The following ASCC3 variants were observed in gnomAD, a reference collection of about 807,000 sequenced individuals.
The protein encoded by ASCC3 is ASC-1 complex subunit P200.
A neutral mutation model predicts 256.3 loss-of-function variants in ASCC3; 158 were observed. That is an observed-to-expected ratio of 0.62 (90% CI 0.54 to 0.70). The LOEUF (loss-of-function observed/expected upper bound fraction) is 0.70. Among genes scored for constraint, ASCC3 ranks in the 30% least tolerant of loss-of-function variants. The pLI is 0.00. For synonymous variants in ASCC3, 948 were observed against 883.4 expected (o/e 1.07, Z -1.30); for missense variants, 2,259 against 2,626.0 (o/e 0.86, Z 3.05).
intron 37 of ASCC3, among the ~76,000 whole-genome samples, chr6:100,533,947 A>G (rs1775038295): frequency 6.6e-6 from 1 of 152,234 alleles, no homozygotes; most frequent in Non-Finnish European, 1.5e-5. Flanking sequence ...TAGCAGAGCT[A>G]TTTAACTTCT....
chr6:100,718,362 T>C (rs951996644), intron 11 of ASCC3, 111 bp from the exon 12 acceptor site: 6 of 849,146 alleles, frequency 7.1e-6, no homozygotes, highest in Admixed American at 5.6e-5. Context: ...GAGATGAGTG[T>C]AGAGGTCAAT....
chr6:100,535,955 T>C (rs537637870), intron 37 of ASCC3, among the ~76,000 whole-genome samples: 3 of 152,354 alleles, frequency 2.0e-5, no homozygotes, highest in Non-Finnish European at 1.5e-5. Flanking sequence ...GAATATAGTG[T>C]AGCCATTAGA....
At chr6:100,624,920 G>A (rs1309906760) in intron 30 of ASCC3, among the ~76,000 whole-genome samples, 1 of 151,456 alleles carries the variant, frequency 6.6e-6, no homozygotes, top group East Asian at 1.9e-4. Context: ...CTTCAGTAAG[G>A]GCAGTGAATA....
chr6:100,539,726 A>T (rs1050435537), intron 37 of ASCC3, among the ~76,000 whole-genome samples: 4 of 152,122 alleles, frequency 2.6e-5, no homozygotes, highest in Admixed American at 2.6e-4. Context: ...AAATGGTACA[A>T]AACATTACCC....
rs191572595 is a variant in ASCC3, at chr6:100,687,674, A to G, written c.2152-7922T>C. Among the ~76,000 whole-genome samples the G allele has an allele frequency of 2.4e-3, 372 of 152,258 alleles. 2 individuals carry two copies. Among genetic ancestry groups the G allele is most frequent in the African/African-American group, 8.5e-3 (353 of 41,564 alleles). On this transcript the variant is annotated intron_variant, in intron 13 of 41. Coordinates refer to ENST00000369162, the MANE Select transcript of ASCC3 (RefSeq NM_006828.4). ...ATTTTACTGCTATGGGTTTTATGGT[A>G]AAAAGCCTAAAAAAACACATATTTA...
At chr6:100,603,506 C>T (rs1772731899) in intron 33 of ASCC3, among the ~76,000 whole-genome samples, 1 of 152,066 alleles carries the variant, frequency 6.6e-6, no homozygotes, top group African/African-American at 2.4e-5. Flanking sequence ...GAAGTGACAG[C>T]AAAATCCCTC....
At chr6:100,861,409 T>C (rs1388679262) in intron 3 of ASCC3, among the ~76,000 whole-genome samples, 1 of 152,168 alleles carries the variant, frequency 6.6e-6, no homozygotes, top group East Asian at 1.9e-4. Context: ...TTTTTTTCTT[T>C]ATTCTCTTGC....
At chr6:100,772,801 T>A (rs535850040) in intron 8 of ASCC3, among the ~76,000 whole-genome samples, 2 of 152,324 alleles carry the variant, frequency 1.3e-5, no homozygotes, top group East Asian at 1.9e-4. Flanking sequence ...TTAAGAAACC[T>A]AAGATCTCTA....
chr6:100,569,453 C>T (rs966215768), intron 36 of ASCC3, among the ~76,000 whole-genome samples: 2 of 151,940 alleles, frequency 1.3e-5, no homozygotes, highest in South Asian at 2.1e-4. Context: ...GCAATCTTGG[C>T]TCCACTGCAA....
intron 5 of ASCC3, among the ~76,000 whole-genome samples, chr6:100,804,285 G>A (rs1343333345): frequency 2.6e-5 from 4 of 152,072 alleles, no homozygotes; most frequent in African/African-American, 9.7e-5. Context: ...AATGACTAAT[G>A]AATCTATGTG....
At chr6:100,640,619 A>G (rs1277181411) in intron 24 of ASCC3, among the ~76,000 whole-genome samples, 3 of 152,160 alleles carry the variant, frequency 2.0e-5, no homozygotes, top group Non-Finnish European at 4.4e-5. Context: ...CATTTTTTAT[A>G]TATTTTATTC....
At chr6:100,638,521 C>T in intron 25 of ASCC3, 80 bp downstream of exon 25, 1 of 1,201,072 alleles carries the variant, frequency 8.3e-7, no homozygotes, top group Non-Finnish European at 1.2e-6. Context: ...TAGACCCTGC[C>T]AATATATTTA....
intron 4 of ASCC3, among the ~76,000 whole-genome samples, chr6:100,846,919 A>T (rs1772412370): frequency 1.3e-5 from 2 of 152,120 alleles, no homozygotes; most frequent in African/African-American, 4.8e-5. Flanking sequence ...AATTCTGAGA[A>T]CAAGTTTGCT....
intron 25 of ASCC3, among the ~76,000 whole-genome samples, chr6:100,634,003 A>G (rs1774698786): frequency 6.6e-6 from 1 of 152,182 alleles, no homozygotes; most frequent in Admixed American, 6.5e-5. Context: ...TTGTGGGTGG[A>G]AAACATGAAT....
At chr6:100,664,015 T>G (rs981063286) in intron 14 of ASCC3, among the ~76,000 whole-genome samples, 1 of 152,142 alleles carries the variant, frequency 6.6e-6, no homozygotes, top group Non-Finnish European at 1.5e-5. Context: ...TACTTATATG[T>G]CACCTGTGTA....
intron 8 of ASCC3, among the ~76,000 whole-genome samples, chr6:100,796,729 C>T (rs1321027192): frequency 6.6e-6 from 1 of 152,152 alleles, no homozygotes; most frequent in Non-Finnish European, 1.5e-5. Flanking sequence ...CTTTCAGCCT[C>T]CAGAGCTGTG....
intron 8 of ASCC3, 96 bp from the exon 9 acceptor site, chr6:100,767,441 A>G: frequency 1.6e-6 from 2 of 1,272,230 alleles, no homozygotes; most frequent in South Asian, 1.3e-5. Context: ...TGTTTTTTAA[A>G]AAAAAGACTA....
intron 25 of ASCC3, among the ~76,000 whole-genome samples, chr6:100,634,766 G>C (rs1165809788): frequency 6.6e-6 from 1 of 150,438 alleles, no homozygotes; most frequent in African/African-American, 2.5e-5. Context: ...CAAACCTGTA[G>C]TCCCAGCTAC....
chr6:100,617,828 G>T (rs574750536), intron 30 of ASCC3, among the ~76,000 whole-genome samples: 2 of 152,210 alleles, frequency 1.3e-5, no homozygotes, highest in South Asian at 4.2e-4. Flanking sequence ...ATCTCAGCTC[G>T]CACTAAGAGA....
Sources: gnomAD v4.1 joint callset for allele counts (sites outside exome capture counted in the v4.1 genomes callset) on GRCh38, gnomAD v4.1.1 for gene constraint, MANE v1.5 for transcripts, NCBI Gene and HGNC (gene_info 2026-07-23, HGNC 2026-07-21) for gene names.